The following ARHGAP24 variants were observed in gnomAD, a reference collection of about 807,000 sequenced individuals.
The protein encoded by ARHGAP24 is Rho GTPase activating protein 24, also known as rho GTPase-activating protein 24.
In ARHGAP24, 50 loss-of-function variants were observed where a neutral mutation model predicts 76.4. That is an observed-to-expected ratio of 0.65 (90% CI 0.52 to 0.83). The LOEUF is 0.83. Among genes scored for constraint, ARHGAP24 ranks in the 40% least tolerant of loss-of-function variants. The probability of loss-of-function intolerance (pLI) is 0.00; values close to 1 mark genes in which losing one functional copy is unlikely to be tolerated. For missense variants in ARHGAP24, 930 were observed against 914.2 expected, an observed-to-expected ratio of 1.02 and a Z score of -0.22; for synonymous variants, 345 against 323.3, an observed-to-expected ratio of 1.07 and a Z score of -0.72.
intron 3 of ARHGAP24, among the ~76,000 whole-genome samples, chr4:85,821,958 A>T (rs1250182709): frequency 1.3e-5 from 2 of 152,144 alleles, no homozygotes; most frequent in Non-Finnish European, 2.9e-5. Flanking sequence ...TTTATTGGTG[A>T]TTGTTGTTTT....
chr4:85,967,110 T>C (rs868220900), intron 5 of ARHGAP24, among the ~76,000 whole-genome samples: 20 of 152,070 alleles, frequency 1.3e-4, no homozygotes, highest in South Asian at 4.1e-4. Flanking sequence ...CCTTTATCCT[T>C]GTTCAGATTA....
intron 9 of ARHGAP24, among the ~76,000 whole-genome samples, chr4:85,997,342 A>T (rs1434455821): frequency 1.5e-5 from 2 of 137,488 alleles, no homozygotes; most frequent in African/African-American, 7.2e-5. Context: ...ATAGATAGAT[A>T]GAGAGATAGA....
chr4:85,881,489 A>G (rs1207250268), intron 3 of ARHGAP24, among the ~76,000 whole-genome samples: 1 of 152,062 alleles, frequency 6.6e-6, no homozygotes, highest in Non-Finnish European at 1.5e-5. Context: ...AACATGATTT[A>G]ATCTAATCTG....
In ARHGAP24 at chr4:85,966,369, A is replaced by G. The variant is rs1315847317; in HGVS notation, c.600-5667A>G. 2.6e-5 allele frequency among the ~76,000 whole-genome samples: 4 copies of G among 152,168 alleles called. No homozygotes were observed. In the East Asian group the frequency reaches 5.8e-4, roughly 22 times the overall value. Reference sequence around the variant, plus strand: ...AGTAGCTTTAAACCAGGATAATTCTACTGGGACAAGCACTAGTTCAATGTA... The same window carrying G: ...AGTAGCTTTAAACCAGGATAATTCTGCTGGGACAAGCACTAGTTCAATGTA... On this transcript the variant is annotated intron_variant, in intron 5 of 9. Coordinates refer to ENST00000395184, the MANE Select transcript of ARHGAP24 (RefSeq NM_001025616.3).
chr4:85,573,947 A>G (rs1727255021), intron 2 of ARHGAP24, among the ~76,000 whole-genome samples: 1 of 152,202 alleles, frequency 6.6e-6, no homozygotes, highest in South Asian at 2.1e-4. Context: ...AATGCTTCCA[A>G]CGTAAGAATG....
chr4:85,491,098 G>C (rs113609245), intron 1 of ARHGAP24, among the ~76,000 whole-genome samples: 1 of 152,106 alleles, frequency 6.6e-6, no homozygotes, highest in Admixed American at 6.5e-5. Context: ...TGTTACTTTA[G>C]GTTGATCAAT....
intron 3 of ARHGAP24, among the ~76,000 whole-genome samples, chr4:85,856,869 A>T (rs1190896345): frequency 6.6e-6 from 1 of 152,168 alleles, no homozygotes; most frequent in Non-Finnish European, 1.5e-5. Flanking sequence ...GTATTTTACT[A>T]TGACTACTTT....
intron 3 of ARHGAP24, among the ~76,000 whole-genome samples, chr4:85,772,890 G>A (rs1727181223): frequency 6.6e-6 from 1 of 151,942 alleles, no homozygotes; most frequent in Non-Finnish European, 1.5e-5. Flanking sequence ...TGTCCAAAAT[G>A]TATGCTGCCC....
chr4:85,532,642 T>C (rs1216709215), intron 1 of ARHGAP24, among the ~76,000 whole-genome samples: 2 of 152,168 alleles, frequency 1.3e-5, no homozygotes, highest in East Asian at 1.9e-4. Context: ...AAACCACAAA[T>C]GTTATGATCA....
At chr4:85,921,955 TG>T (rs1438006417) in intron 3 of ARHGAP24, among the ~76,000 whole-genome samples, 1 of 152,242 alleles carries the variant, frequency 6.6e-6, no homozygotes, top group East Asian at 1.9e-4. Context: ...TCCACAAAAC[TG>T]GGTCCCTGGT....
intron 1 of ARHGAP24, among the ~76,000 whole-genome samples, chr4:85,496,259 A>C (rs1578185612): frequency 6.6e-6 from 1 of 152,180 alleles, no homozygotes; most frequent in East Asian, 1.9e-4. Flanking sequence ...TGGCATTTTC[A>C]CCCTTTTCCT....
intron 3 of ARHGAP24, among the ~76,000 whole-genome samples, chr4:85,854,828 G>C (rs1401575431): frequency 6.6e-6 from 1 of 152,136 alleles, no homozygotes; most frequent in East Asian, 1.9e-4. Context: ...AACCATGCTT[G>C]TCATTTGTCC....
intron 5 of ARHGAP24, among the ~76,000 whole-genome samples, chr4:85,968,002 T>C (rs182048259): frequency 5.1e-4 from 77 of 152,278 alleles, no homozygotes; most frequent in Admixed American, 1.9e-3. Context: ...ATGCATCTCA[T>C]ACATGGTTTG....
At chr4:85,556,472 C>T (rs1257220127) in intron 1 of ARHGAP24, among the ~76,000 whole-genome samples, 1 of 152,128 alleles carries the variant, frequency 6.6e-6, no homozygotes, top group Non-Finnish European at 1.5e-5. Context: ...GAGGTTTCAG[C>T]ATAGCAACCA....
intron 4 of ARHGAP24, among the ~76,000 whole-genome samples, chr4:85,937,210 G>A (rs1206849655): frequency 1.3e-5 from 2 of 152,156 alleles, no homozygotes; most frequent in Non-Finnish European, 2.9e-5. Context: ...TAAGGAGCTT[G>A]GAGGTGACCA....
At chr4:85,744,975 T>C (rs1422576058) in intron 3 of ARHGAP24, among the ~76,000 whole-genome samples, 1 of 152,110 alleles carries the variant, frequency 6.6e-6, no homozygotes. Context: ...GCCCTCCATT[T>C]TCAGAAGCCT....
At chr4:85,735,950 C>T (rs765155313) in intron 3 of ARHGAP24, among the ~76,000 whole-genome samples, 3 of 152,066 alleles carry the variant, frequency 2.0e-5, no homozygotes, top group African/African-American at 2.4e-5. Flanking sequence ...TAACTACCCC[C>T]GATGTATTTT....
intron 2 of ARHGAP24, among the ~76,000 whole-genome samples, chr4:85,641,786 A>T (rs1721531509): frequency 6.6e-6 from 1 of 152,152 alleles, no homozygotes; most frequent in Admixed American, 6.5e-5. Flanking sequence ...GTATGGGGGA[A>T]AGGGTATGAA....
At chr4:85,573,862 C>T (rs10018983) in intron 2 of ARHGAP24, among the ~76,000 whole-genome samples, 2,502 of 152,250 alleles carry the variant, frequency 0.016, 75 homozygotes, top group African/African-American at 0.056. Context: ...TCATCCTTGC[C>T]TTCTCATTAG....
Sources: gnomAD v4.1 joint callset for allele counts (sites outside exome capture counted in the v4.1 genomes callset) on GRCh38, gnomAD v4.1.1 for gene constraint, MANE v1.5 for transcripts, NCBI Gene and HGNC (gene_info 2026-07-23, HGNC 2026-07-21) for gene names.